Variants in CMSS1 observed in about 807,000 individuals in gnomAD.
The protein encoded by CMSS1 is protein CMSS1.
In CMSS1, 33 loss-of-function variants were observed where a neutral mutation model predicts 43.5. That is an observed-to-expected ratio of 0.76 (90% CI 0.57 to 1.01). The LOEUF is 1.01. CMSS1 is among the 50% of genes least tolerant of loss of function. The pLI, the probability that CMSS1 is intolerant of heterozygous loss-of-function variation, is 0.00. For missense variants in CMSS1, 313 were observed against 326.4 expected, an observed-to-expected ratio of 0.96 and a Z score of 0.32; for synonymous variants, 115 against 117.2, an observed-to-expected ratio of 0.98 and a Z score of 0.12.
At chr3:99,857,517 AAT>A (rs571519128) in intron 1 of CMSS1, among the ~76,000 whole-genome samples, 25 of 152,386 alleles carry the variant, frequency 1.6e-4, no homozygotes, top group African/African-American at 5.0e-4. Flanking sequence ...CTACTGGACA[AAT>A]ATGTTTGTTT....
In CMSS1 at chr3:99,998,100, C is replaced by T. The variant is rs114505604; in HGVS notation, c.65-148873C>T. On this transcript the variant is annotated intron_variant, in intron 1 of 9. Transcript: ENST00000421999. ...GTGAGTTAAAACCAGTTAACTGGTG[C>T]GGAAATTCAGAATCATAGTGTACTA... Among the ~76,000 whole-genome samples, 676 of 152,194 alleles carry T rather than the reference C, an allele frequency of 4.4e-3. 4 individuals carry two copies. The highest frequency in any genetic ancestry group is 0.015 in the African/African-American group (621 of 41,526).
intron 1 of CMSS1, among the ~76,000 whole-genome samples, chr3:100,070,612 C>G (rs988597127): frequency 6.6e-6 from 1 of 152,038 alleles, no homozygotes; most frequent in African/African-American, 2.4e-5. Flanking sequence ...TTCATATCAT[C>G]GTGGGGTTTT....
chr3:100,111,758 T>C (rs554252382), intron 1 of CMSS1, among the ~76,000 whole-genome samples: 1 of 152,320 alleles, frequency 6.6e-6, no homozygotes, highest in African/African-American at 2.4e-5. Flanking sequence ...TATTAGTATG[T>C]AAAGTTTTTG....
At chr3:99,854,422 G>C (rs1943853421) in intron 1 of CMSS1, among the ~76,000 whole-genome samples, 2 of 152,212 alleles carry the variant, frequency 1.3e-5, no homozygotes, top group African/African-American at 4.8e-5. Context: ...CATAGACCTT[G>C]AGGTGCAGAA....
At chr3:99,900,695 T>A (rs1706407338) in intron 1 of CMSS1, among the ~76,000 whole-genome samples, 1 of 152,232 alleles carries the variant, frequency 6.6e-6, no homozygotes. Context: ...CTCTTTCTTC[T>A]TTTCCACGCA....
At chr3:99,960,549 C>G (rs1422656645) in intron 1 of CMSS1, among the ~76,000 whole-genome samples, 2 of 152,190 alleles carry the variant, frequency 1.3e-5, no homozygotes, top group East Asian at 1.9e-4. Context: ...TCCTCACCTC[C>G]TGTAGGTCTT....
At chr3:99,941,765 A>G (rs2107677090) in intron 1 of CMSS1, among the ~76,000 whole-genome samples, 1 of 152,366 alleles carries the variant, frequency 6.6e-6, no homozygotes, top group East Asian at 1.9e-4. Flanking sequence ...GTAATTTGTA[A>G]TAAGTTAAAA....
In CMSS1 at chr3:100,090,994, C is replaced by T. The variant is rs148701324; in HGVS notation, c.65-55979C>T. Among the ~76,000 whole-genome samples the T allele has an allele frequency of 4.5e-3, 679 of 152,154 alleles. 7 individuals carry two copies. The highest frequency in any genetic ancestry group is 0.016 in the African/African-American group (665 of 41,516). On this transcript the variant is annotated intron_variant, in intron 1 of 9. Transcript: ENST00000421999. The stretch of plus-strand genomic sequence containing the variant: ...ATTTGGAAAATGTCATTCCTGAAAC[C>T]CTACCTTAGGCCCGGGCACAGTGGC...
At chr3:99,845,821 T>C (rs554002705) in intron 1 of CMSS1, among the ~76,000 whole-genome samples, 1 of 152,180 alleles carries the variant, frequency 6.6e-6, no homozygotes, top group Non-Finnish European at 1.5e-5. Flanking sequence ...TTTATTTTGA[T>C]GCTGATACAA....
intron 1 of CMSS1, among the ~76,000 whole-genome samples, chr3:100,103,497 T>C (rs968158243): frequency 5.3e-5 from 8 of 152,216 alleles, no homozygotes; most frequent in African/African-American, 7.2e-5. Flanking sequence ...CTAGAGTCTT[T>C]AGGAGTTTAT....
At chr3:100,026,091 C>T (rs2064915342) in intron 1 of CMSS1, among the ~76,000 whole-genome samples, 1 of 151,974 alleles carries the variant, frequency 6.6e-6, no homozygotes, top group Non-Finnish European at 1.5e-5. Context: ...TTTCAAGAAG[C>T]TTTTCTTTTT....
intron 2 of CMSS1, among the ~76,000 whole-genome samples, chr3:100,149,822 C>T (rs2066888248): frequency 6.6e-6 from 1 of 152,124 alleles, no homozygotes; most frequent in African/African-American, 2.4e-5. Flanking sequence ...TACCGGTATC[C>T]CAGTTTTCTC....
chr3:99,938,762 G>C (rs1707769492), intron 1 of CMSS1, among the ~76,000 whole-genome samples: 1 of 152,088 alleles, frequency 6.6e-6, no homozygotes, highest in Non-Finnish European at 1.5e-5. Context: ...CTCAGTTGCA[G>C]AACAGCCAGG....
chr3:99,968,507 G>A (rs1009068671), intron 1 of CMSS1, among the ~76,000 whole-genome samples: 2 of 152,028 alleles, frequency 1.3e-5, no homozygotes, highest in Admixed American at 6.5e-5. Flanking sequence ...AAACATGGAA[G>A]GTGATGGGAG....
At chr3:100,099,177 G>T (rs1222534998) in intron 1 of CMSS1, among the ~76,000 whole-genome samples, 1 of 152,122 alleles carries the variant, frequency 6.6e-6, no homozygotes, top group Non-Finnish European at 1.5e-5. Flanking sequence ...CTGGATTTCT[G>T]CATTTTTTAG....
At chr3:100,006,296 T>C (rs547354352) in intron 1 of CMSS1, among the ~76,000 whole-genome samples, 2 of 152,278 alleles carry the variant, frequency 1.3e-5, no homozygotes, top group Middle Eastern at 3.4e-3. Flanking sequence ...CTTTGAATTG[T>C]TTCCTTTGTA....
chr3:99,996,347 C>A (rs1232067207), intron 1 of CMSS1, among the ~76,000 whole-genome samples: 3 of 152,180 alleles, frequency 2.0e-5, no homozygotes, highest in Admixed American at 1.3e-4. Flanking sequence ...TCAGCCTGGA[C>A]CTTATTGTCC....
At chr3:99,983,432 G>A (rs369974347) in intron 1 of CMSS1, among the ~76,000 whole-genome samples, 748 of 33,000 alleles carry the variant, frequency 0.023, 25 homozygotes, top group African/African-American at 0.07. Context: ...ATGTATGTAT[G>A]TATATATATG....
At chr3:99,974,743 T>C (rs1474343958) in intron 1 of CMSS1, among the ~76,000 whole-genome samples, 1 of 152,082 alleles carries the variant, frequency 6.6e-6, no homozygotes, top group Non-Finnish European at 1.5e-5. Flanking sequence ...CAAAAACTCA[T>C]GTTTGGAGTG....
Sources: allele counts gnomAD v4.1 joint callset (sites outside exome capture counted in the v4.1 genomes callset), GRCh38; gene constraint gnomAD v4.1.1; transcripts MANE v1.5; gene names NCBI Gene and HGNC (gene_info 2026-07-23, HGNC 2026-07-21).